Variants in NRXN1 observed in about 807,000 individuals in gnomAD.
The protein encoded by NRXN1 is neurexin-1.
In NRXN1, 39 loss-of-function variants were observed where a neutral mutation model predicts 150.9. That is an observed-to-expected ratio of 0.26 (90% CI 0.20 to 0.34). The LOEUF (loss-of-function observed/expected upper bound fraction) is 0.34. NRXN1 is among the 10% of genes least tolerant of loss of function. The pLI is 1.00. For missense variants in NRXN1, 1,815 were observed against 1,949.9 expected, an observed-to-expected ratio of 0.93 and a Z score of 1.30; for synonymous variants, 924 against 757.0, an observed-to-expected ratio of 1.22 and a Z score of -3.62.
chr2:50,310,192 T>C (rs1208812646), intron 17 of NRXN1, among the ~76,000 whole-genome samples: 6 of 152,212 alleles, frequency 3.9e-5, no homozygotes, highest in Non-Finnish European at 8.8e-5. Context: ...ACACTGCTCA[T>C]AGATTATTTT....
chr2:50,211,695 G>A (rs543486179), intron 18 of NRXN1, among the ~76,000 whole-genome samples: 1 of 151,420 alleles, frequency 6.6e-6, no homozygotes, highest in Admixed American at 6.6e-5. Context: ...AAAGTTTAGA[G>A]ATAACTAAAA....
chr2:50,971,127 G>C (rs920992020), intron 2 of NRXN1, among the ~76,000 whole-genome samples: 5 of 152,022 alleles, frequency 3.3e-5, no homozygotes, highest in Non-Finnish European at 7.4e-5. Context: ...TCTTTTGTTT[G>C]AAGAAAGTTC....
chr2:50,100,310 G>A (rs1400196295), intron 18 of NRXN1, among the ~76,000 whole-genome samples: 1 of 151,982 alleles, frequency 6.6e-6, no homozygotes, highest in Non-Finnish European at 1.5e-5. Context: ...GGATTTAGTG[G>A]TCGTAAAGTG....
At chr2:50,237,826 AC>A (rs758023789) in intron 17 of NRXN1, among the ~76,000 whole-genome samples, 14 of 152,086 alleles carry the variant, frequency 9.2e-5, no homozygotes, top group East Asian at 5.8e-4. Context: ...GAAATGGTAA[AC>A]CCCATAAACC....
chr2:50,635,434 A>G (rs112567587), intron 5 of NRXN1, among the ~76,000 whole-genome samples: 3,324 of 151,438 alleles, frequency 0.022, 131 homozygotes, highest in African/African-American at 0.077. Flanking sequence ...CGGCCTCCCA[A>G]TGTGCTGGGA....
chr2:50,381,921 T>C (rs1173235998), intron 17 of NRXN1, among the ~76,000 whole-genome samples: 4 of 152,130 alleles, frequency 2.6e-5, no homozygotes, highest in Non-Finnish European at 5.9e-5. Flanking sequence ...TGATTTAAGA[T>C]GGGTCTTTAG....
intron 5 of NRXN1, among the ~76,000 whole-genome samples, chr2:50,711,308 A>T (rs1026692314): frequency 1.3e-5 from 2 of 151,584 alleles, no homozygotes; most frequent in Non-Finnish European, 2.9e-5. Context: ...GTGACTTTGA[A>T]ATGATAGTTC....
At chr2:50,746,534 G>A (rs1460713225) in intron 5 of NRXN1, among the ~76,000 whole-genome samples, 3 of 151,118 alleles carry the variant, frequency 2.0e-5, no homozygotes, top group Non-Finnish European at 4.4e-5. Context: ...CTGCAGCCTG[G>A]GCAACAGAGC....
chr2:50,978,726 T>G (rs1696313286), intron 2 of NRXN1, among the ~76,000 whole-genome samples: 1 of 152,056 alleles, frequency 6.6e-6, no homozygotes, highest in African/African-American at 2.4e-5. Context: ...TATTTGATAT[T>G]CAGATTTTGA....
intron 5 of NRXN1, among the ~76,000 whole-genome samples, chr2:50,665,451 C>T (rs1470942542): frequency 6.6e-6 from 1 of 151,598 alleles, no homozygotes; most frequent in Non-Finnish European, 1.5e-5. Context: ...TCTGAAATTC[C>T]CCTACTAGAT....
chr2:50,129,665 G>A (rs566881146), intron 18 of NRXN1, among the ~76,000 whole-genome samples: 5 of 152,204 alleles, frequency 3.3e-5, no homozygotes, highest in South Asian at 2.1e-4. Flanking sequence ...TATGTTGCTA[G>A]ACCAATTTGG....
intron 2 of NRXN1, among the ~76,000 whole-genome samples, chr2:50,964,197 T>C (rs1460837169): frequency 6.6e-6 from 1 of 151,612 alleles, no homozygotes; most frequent in Admixed American, 6.6e-5. Context: ...AAAACCTTTA[T>C]GCTGTTAATC....
At chr2:50,409,954 G>C (rs754655518) in intron 17 of NRXN1, among the ~76,000 whole-genome samples, 1 of 152,062 alleles carries the variant, frequency 6.6e-6, no homozygotes, top group Admixed American at 6.5e-5. Context: ...TTATTTTCAA[G>C]CCTTCCCTAA....
rs532610061 is a variant in NRXN1, at chr2:50,379,602, T to A, written c.3364+85840A>T. 3.3e-5 allele frequency among the ~76,000 whole-genome samples: 5 copies of A among 152,192 alleles called. No individual in the cohort carries two copies. In the South Asian group the frequency reaches 8.3e-4, roughly 25 times the overall value. ...TCTTGTTTATGTCCCCTTTATAGCA[T>A]CTTTGAGAGGCTCTGCAGTCCCACA... is the stretch of plus-strand genomic sequence containing the variant. On this transcript the variant is annotated intron_variant, in intron 17 of 22. Transcript: ENST00000401669.
intron 2 of NRXN1, among the ~76,000 whole-genome samples, chr2:51,024,864 T>C (rs916393208): frequency 1.3e-5 from 2 of 152,184 alleles, no homozygotes; most frequent in Non-Finnish European, 2.9e-5. Flanking sequence ...AGTGAACTTA[T>C]TTATTTTAAA....
intron 17 of NRXN1, among the ~76,000 whole-genome samples, chr2:50,380,144 T>G (rs1345368999): frequency 6.6e-6 from 1 of 152,128 alleles, no homozygotes; most frequent in African/African-American, 2.4e-5. Context: ...ACTACTCTTT[T>G]TAATCTTAGA....
At chr2:50,749,682 G>A (rs554840632) in intron 5 of NRXN1, among the ~76,000 whole-genome samples, 2 of 152,204 alleles carry the variant, frequency 1.3e-5, no homozygotes, top group Admixed American at 6.5e-5. Context: ...TGTTAGTGGA[G>A]AAATAAAATT....
chr2:50,500,533 T>C (rs2091891077), intron 13 of NRXN1, among the ~76,000 whole-genome samples: 1 of 152,192 alleles, frequency 6.6e-6, no homozygotes, highest in South Asian at 2.1e-4. Context: ...CTTCTACTAC[T>C]GTAGATATTT....
chr2:50,301,616 A>G (rs1329634276), intron 17 of NRXN1, among the ~76,000 whole-genome samples: 2 of 152,184 alleles, frequency 1.3e-5, no homozygotes, highest in East Asian at 3.8e-4. Context: ...AATGTCCTGT[A>G]GGGTACTCTG....
Sources: gnomAD v4.1 joint callset for allele counts (sites outside exome capture counted in the v4.1 genomes callset) on GRCh38, gnomAD v4.1.1 for gene constraint, MANE v1.5 for transcripts, NCBI Gene and HGNC (gene_info 2026-07-23, HGNC 2026-07-21) for gene names.